PCSK2: variants seen among roughly 807,000 people sequenced by gnomAD.
The protein encoded by PCSK2 is neuroendocrine convertase 2.
In PCSK2, 14 loss-of-function variants were observed where a neutral mutation model predicts 69.7. That is an observed-to-expected ratio of 0.20 (90% confidence interval 0.13 to 0.31). PCSK2 has a LOEUF of 0.31. Among genes scored for constraint, PCSK2 ranks in the 10% least tolerant of loss-of-function variants. PCSK2 has a pLI of 1.00. For synonymous variants in PCSK2, 307 were observed against 320.7 expected (o/e 0.96, Z 0.46); for missense variants, 544 against 842.5 (o/e 0.65, Z 4.39).
rs117025344 is a variant in PCSK2 at position 17,430,592 on chromosome 20, T to G, written c.709+1069T>G. Among the ~76,000 whole-genome samples, 84 of 152,182 alleles carry G rather than the reference T, an allele frequency of 5.5e-4. 1 individual carries two copies. The East Asian group carries it at 0.016, about 28-fold the overall frequency. On this transcript the variant is annotated intron_variant, in intron 7 of 11. Coordinates refer to ENST00000262545, the MANE Select transcript of PCSK2 (RefSeq NM_002594.5). ...TGTCACAAAAGAATACATCTGGAGGTTTCTAAAATGTAAATAGAGGAGGCT... is the reference window on the plus strand; with the variant it reads ...TGTCACAAAAGAATACATCTGGAGGGTTCTAAAATGTAAATAGAGGAGGCT...
At chr20:17,450,711 G>A (rs779386722) in intron 8 of PCSK2, among the ~76,000 whole-genome samples, 1 of 152,120 alleles carries the variant, frequency 6.6e-6, no homozygotes, top group Non-Finnish European at 1.5e-5. Flanking sequence ...GACAAACACT[G>A]GGTCTTCCCA....
chr20:17,381,730 G>A (rs1445118225), intron 5 of PCSK2, among the ~76,000 whole-genome samples: 1 of 152,162 alleles, frequency 6.6e-6, no homozygotes, highest in African/African-American at 2.4e-5. Flanking sequence ...AGGCGTTGAA[G>A]CTATTCTGGT....
At chr20:17,399,905 A>G (rs532296608) in intron 5 of PCSK2, among the ~76,000 whole-genome samples, 3 of 152,328 alleles carry the variant, frequency 2.0e-5, no homozygotes, top group East Asian at 1.9e-4. Flanking sequence ...TCTATAAGGA[A>G]CAACATAATC....
At chr20:17,232,171 G>T (rs1330080151) in intron 1 of PCSK2, among the ~76,000 whole-genome samples, 1 of 152,210 alleles carries the variant, frequency 6.6e-6, no homozygotes, top group Non-Finnish European at 1.5e-5. Context: ...TCAAAAGGAA[G>T]ATGATTACAT....
intron 2 of PCSK2, among the ~76,000 whole-genome samples, chr20:17,303,011 T>G (rs1378206717): frequency 6.6e-6 from 1 of 151,810 alleles, no homozygotes; most frequent in African/African-American, 2.4e-5. Flanking sequence ...TTGAAAAAAT[T>G]TAATAAATCT....
At chr20:17,270,871 T>C (rs950555619) in intron 2 of PCSK2, among the ~76,000 whole-genome samples, 1 of 152,102 alleles carries the variant, frequency 6.6e-6, no homozygotes, top group Non-Finnish European at 1.5e-5. Flanking sequence ...CTGACACCAA[T>C]TAACTGTGCT....
intron 2 of PCSK2, among the ~76,000 whole-genome samples, chr20:17,330,844 G>A (rs545180018): frequency 3.3e-5 from 5 of 152,186 alleles, no homozygotes; most frequent in African/African-American, 9.6e-5. Context: ...TGGTTACTGC[G>A]GGTCCAGAGA....
At chr20:17,433,140 ACCTTT>A (rs949255676) in intron 7 of PCSK2, among the ~76,000 whole-genome samples, 39 of 152,326 alleles carry the variant, frequency 2.6e-4, no homozygotes, top group African/African-American at 8.7e-4. Flanking sequence ...GGATGAGATC[ACCTTT>A]GATTGAAGAT....
intron 2 of PCSK2, among the ~76,000 whole-genome samples, chr20:17,314,694 C>T (rs1280677719): frequency 6.6e-6 from 1 of 152,208 alleles, no homozygotes; most frequent in Non-Finnish European, 1.5e-5. Flanking sequence ...TTTAAAATTA[C>T]ATCTCTAGTA....
At chr20:17,242,526 C>T (rs1357905155) in intron 1 of PCSK2, among the ~76,000 whole-genome samples, 1 of 152,222 alleles carries the variant, frequency 6.6e-6, no homozygotes, top group Non-Finnish European at 1.5e-5. Flanking sequence ...AGAATTCATA[C>T]AATCTGAGGT....
chr20:17,437,146 G>A (rs1027834303), intron 8 of PCSK2, among the ~76,000 whole-genome samples: 1 of 148,974 alleles, frequency 6.7e-6, no homozygotes, highest in African/African-American at 2.5e-5. Context: ...CCGGGGGGGG[G>A]AGGGTCTCAG....
intron 2 of PCSK2, among the ~76,000 whole-genome samples, chr20:17,303,491 A>G (rs1367346706): frequency 3.6e-5 from 2 of 55,270 alleles, no homozygotes; most frequent in South Asian, 3.9e-4. Flanking sequence ...TATATATTAT[A>G]TTTAATATAA....
At chr20:17,317,051 T>A (rs1202537277) in intron 2 of PCSK2, among the ~76,000 whole-genome samples, 1 of 152,224 alleles carries the variant, frequency 6.6e-6, no homozygotes, top group Non-Finnish European at 1.5e-5. Context: ...CCACATTCTC[T>A]CTTTTTGCCC....
intron 2 of PCSK2, among the ~76,000 whole-genome samples, chr20:17,358,056 A>G (rs1160094686): frequency 1.3e-5 from 2 of 152,146 alleles, no homozygotes; most frequent in African/African-American, 2.4e-5. Flanking sequence ...CTGTAATCCC[A>G]GCTCTTTTGG....
chr20:17,322,948 C>T (rs1989920333), intron 2 of PCSK2, among the ~76,000 whole-genome samples: 1 of 152,134 alleles, frequency 6.6e-6, no homozygotes, highest in African/African-American at 2.4e-5. Context: ...ACTACAATCT[C>T]CACCTCCTGG....
intron 1 of PCSK2, among the ~76,000 whole-genome samples, chr20:17,257,590 G>A (rs1987226696): frequency 6.6e-6 from 1 of 152,132 alleles, no homozygotes; most frequent in African/African-American, 2.4e-5. Flanking sequence ...GCCAATGACA[G>A]GGCAGAGGTT....
intron 5 of PCSK2, among the ~76,000 whole-genome samples, chr20:17,390,302 G>A (rs2031339667): frequency 6.6e-6 from 1 of 152,206 alleles, no homozygotes; most frequent in Non-Finnish European, 1.5e-5. Flanking sequence ...TCAAGGTGAT[G>A]ACAGTGTCCA....
chr20:17,303,500 AAT>A (rs1310012962), intron 2 of PCSK2, among the ~76,000 whole-genome samples: 9 of 36,036 alleles, frequency 2.5e-4, no homozygotes, highest in South Asian at 1.8e-3. Flanking sequence ...TATTTAATAT[AAT>A]ATATATTATA....
chr20:17,370,900 C>T (rs1186231722), intron 5 of PCSK2, among the ~76,000 whole-genome samples: 7 of 152,164 alleles, frequency 4.6e-5, no homozygotes, highest in African/African-American at 1.7e-4. Flanking sequence ...CTGTTCCTCA[C>T]AGAGAGCAAG....
Sources: gnomAD v4.1 joint callset for allele counts (sites outside exome capture counted in the v4.1 genomes callset) on GRCh38, gnomAD v4.1.1 for gene constraint, MANE v1.5 for transcripts, NCBI Gene and HGNC (gene_info 2026-07-23, HGNC 2026-07-21) for gene names.